HOXA3: variants seen among roughly 807,000 people sequenced by gnomAD.
The protein encoded by HOXA3 is homeobox A3.
Under a neutral mutation model 30.3 loss-of-function variants are expected in HOXA3, and 8 were observed. The ratio of observed to expected loss-of-function variants is 0.26; its 90% CI spans 0.15 to 0.48. The LOEUF is 0.48. Among genes scored for constraint, HOXA3 ranks in the 20% least tolerant of loss-of-function variants. HOXA3 has a pLI of 0.99. For missense variants in HOXA3, 653 were observed against 614.4 expected (o/e 1.06, Z -0.66); for synonymous variants, 323 against 273.1 (o/e 1.18, Z -1.80).
At position 27,107,943 on chromosome 7, in the gene HOXA3, T is replaced by C; in HGVS notation, c.1304A>G (p.Gln435Arg). 6.3e-7 allele frequency: 1 copy of C among 1,586,730 alleles called. No homozygotes were observed. Among genetic ancestry groups the C allele is most frequent in the Non-Finnish European group, 8.6e-7 (1 of 1,160,148 alleles). The change falls in exon 6 of 6, where the codon CAG (glutamine) becomes CGG (arginine). Residue 435 changes from glutamine to arginine, a missense_variant. This residue lies in a region of HOXA3 where 330 missense variants were observed against 274.4 expected (regional missense o/e 1.20). Coordinates refer to ENST00000612286, the MANE Select transcript of HOXA3 (RefSeq NM_153631.3). Reference protein sequence around the residue: ...TGHHPSQGRIQEAPKLTHL With the variant: ...TGHHPSQGRIREAPKLTHL ...CAGGTGGGTGAGCTTGGGTGCTTCC[T>C]GAATTCTTCCCTGAGAAGGATGGTG... is the stretch of plus-strand genomic sequence containing the variant.
At chr7:27,141,758 A>C (rs1782575587) in intron 1 of HOXA3, 5 of 1,529,266 alleles carry the variant, frequency 3.3e-6, no homozygotes, top group Non-Finnish European at 4.4e-6. Context: ...AACACAAGGG[A>C]GTTTCAGAAA....
chr7:27,131,884 T>C (rs1020678274), intron 2 of HOXA3, among the ~76,000 whole-genome samples: 1 of 152,254 alleles, frequency 6.6e-6, no homozygotes. Context: ...GGACAGTCTA[T>C]AATTTCTGAA....
In HOXA3 at chr7:27,140,078, C is replaced by A. The variant is rs1583404324; in HGVS notation, c.-390+5G>T. The A allele has an allele frequency of 6.6e-6, 1 of 150,384 alleles. No individual in the cohort carries two copies. The highest frequency in any genetic ancestry group is 2.1e-4 in the South Asian group (1 of 4,810). The allele number at this position is 150,384 out of a possible 1,614,324, so 9.3% of individuals were successfully genotyped here. ...AACTTGAAAGCGCTCAGGAGGCGAG[C>A]TTACCTTAACTCGGAGGGAGCCATT... On this transcript the variant is annotated splice_donor_5th_base_variant and intron_variant, in intron 2 of 5. Coordinates refer to ENST00000612286, the MANE Select transcript of HOXA3 (RefSeq NM_153631.3).
At chr7:27,148,770 G>A (rs947164241) in intron 1 of HOXA3, among the ~76,000 whole-genome samples, 5 of 152,244 alleles carry the variant, frequency 3.3e-5, no homozygotes, top group African/African-American at 1.2e-4. Context: ...CATCCACTGC[G>A]AGAACCGCTC....
intron 1 of HOXA3, among the ~76,000 whole-genome samples, chr7:27,144,740 T>C (rs1307971191): frequency 1.3e-5 from 2 of 152,330 alleles, no homozygotes; most frequent in East Asian, 3.9e-4. Flanking sequence ...ATCTCTGTAG[T>C]TATTTTCCAC....
chr7:27,131,980 T>G (rs1785576257), intron 2 of HOXA3, among the ~76,000 whole-genome samples: 1 of 152,188 alleles, frequency 6.6e-6, no homozygotes, highest in Admixed American at 6.5e-5. Context: ...TAATTGAAAT[T>G]TGATGGGTAC....
At position 27,108,221 on chromosome 7, in the gene HOXA3, A is replaced by G. The variant is rs370236772; in HGVS notation, c.1026T>C (p.Tyr342=). Residue 342 remains tyrosine, a synonymous_variant, in exon 6 of 6, where the codon TAT becomes TAC. Coordinates refer to ENST00000612286, the MANE Select transcript of HOXA3 (RefSeq NM_153631.3). This position sits in a 1 kb window ranked among gnomAD's most constrained non-coding sequence, Gnocchi z 5.0. ...AGAGAGGTPD[Y]DPHAHGLQGN... ...CCTGCAGGCCATGAGCGTGCGGGTC[A>G]TAGTCGGGGGTGCCCCCTGCGCCCG... is the stretch of plus-strand genomic sequence containing the variant. The G allele has an allele frequency of 7.3e-5, 112 of 1,527,022 alleles. No individual in the cohort carries two copies. In the Admixed American group the frequency reaches 7.7e-4, roughly 10 times the overall value. The allele number at this position is 1,527,022 out of a possible 1,614,324, so 94.6% of individuals were successfully genotyped here.
chr7:27,129,348 C>T (rs867492057), intron 2 of HOXA3: 1 of 1,614,156 alleles, frequency 6.2e-7, no homozygotes, highest in South Asian at 1.1e-5. Flanking sequence ...AGGATCGCAT[C>T]TTGGTGTTGG....
In HOXA3 at chr7:27,107,150, C is replaced by T. The variant is rs1784045863; in HGVS notation, c.*765G>A. 6.6e-6 allele frequency: 1 copy of T among 152,040 alleles called. No homozygotes were observed. The highest frequency in any genetic ancestry group is 2.4e-5 in the African/African-American group (1 of 41,286). The allele number at this position is 152,040 out of a possible 1,614,324, so 9.4% of individuals were successfully genotyped here. On this transcript the variant is annotated 3_prime_UTR_variant, in exon 6 of 6. Transcript: ENST00000612286. The stretch of plus-strand genomic sequence containing the variant: ...TTTGCCGGATGTTACAAACCTAAAT[C>T]ACTGTTTTCAAAAGCTGGATCTTCT...
chr7:27,144,338 G>A (rs183291358), intron 1 of HOXA3, among the ~76,000 whole-genome samples: 2 of 152,342 alleles, frequency 1.3e-5, no homozygotes, highest in Non-Finnish European at 2.9e-5. Flanking sequence ...GAGCGCATGA[G>A]GGACAGTGTC....
At chr7:27,147,564 G>A in intron 1 of HOXA3, 1 of 1,614,244 alleles carries the variant, frequency 6.2e-7, no homozygotes, top group African/African-American at 1.3e-5. Flanking sequence ...CCAGGACCGA[G>A]TTGGACTGTT....
intron 1 of HOXA3, among the ~76,000 whole-genome samples, chr7:27,151,973 G>A (rs1322397064): frequency 1.3e-5 from 2 of 152,166 alleles, no homozygotes; most frequent in African/African-American, 4.8e-5. Flanking sequence ...GGAGAGAGAC[G>A]ACCCAAGGGA....
chr7:27,108,042 C>G lies in HOXA3; in HGVS notation c.1205G>C (p.Gly402Ala). 6.2e-7 allele frequency: 1 copy of G among 1,612,986 alleles called. No homozygotes were observed. Among genetic ancestry groups the G allele is most frequent in the African/African-American group, 1.3e-5 (1 of 74,996 alleles). ...GTGGTGGTGGCCGCTGCCCAGCGGC[C>G]CGGCACCCCCATAGTCCATGGCGCC... ...ASGAMDYGGA[G>A]PLGSGHHHGP... The change falls in exon 6 of 6, where the codon GGG becomes GCG. Residue 402 changes from glycine to alanine, a missense_variant. By Grantham distance (60) the Gly-to-Ala change is moderately conservative (BLOSUM62 0). Coordinates refer to ENST00000612286, the MANE Select transcript of HOXA3 (RefSeq NM_153631.3). The surrounding 1 kb of genome is among the most constrained non-coding windows in gnomAD (Gnocchi z 5.0).
At chr7:27,133,678 C>T (rs919175597) in intron 2 of HOXA3, among the ~76,000 whole-genome samples, 7 of 152,142 alleles carry the variant, frequency 4.6e-5, no homozygotes, top group African/African-American at 1.7e-4. Flanking sequence ...AGGGAGGGTG[C>T]AAGGGAGGCA....
At chr7:27,149,576 C>T (rs3807597) in intron 1 of HOXA3, among the ~76,000 whole-genome samples, 128,412 of 152,286 alleles carry the variant, frequency 0.84, 54,350 homozygotes, top group Middle Eastern at 0.9. Flanking sequence ...AGCCCGGCAA[C>T]GGGGGCTACC....
At chr7:27,112,908 A>G (rs886751736) in intron 4 of HOXA3, among the ~76,000 whole-genome samples, 1 of 152,252 alleles carries the variant, frequency 6.6e-6, no homozygotes, top group Non-Finnish European at 1.5e-5. Flanking sequence ...AATAACAAAA[A>G]TATCTTTGAA....
At chr7:27,137,280 T>A (rs1785743465) in intron 2 of HOXA3, among the ~76,000 whole-genome samples, 1 of 152,196 alleles carries the variant, frequency 6.6e-6, no homozygotes, top group Non-Finnish European at 1.5e-5. Context: ...AATCTTGGCA[T>A]AATGTTGTGA....
rs1279819822 is a variant in HOXA3, at chr7:27,108,437, G to C, written c.810C>G (p.Pro270=). ...GGQSPSRSPV[P]PGAGGYLNSM... Reference sequence around the variant, plus strand: ...AGTTCAGATAGCCACCGGCTCCGGGGGGCACGGGGCTGCGACTTGGAGACT... The same window carrying C: ...AGTTCAGATAGCCACCGGCTCCGGGCGGCACGGGGCTGCGACTTGGAGACT... Residue 270 remains proline, a synonymous_variant, in exon 6 of 6, where the codon CCC becomes CCG. Coordinates refer to ENST00000612286, the MANE Select transcript of HOXA3 (RefSeq NM_153631.3). The surrounding 1 kb of genome is among the most constrained non-coding windows in gnomAD (Gnocchi z 5.0). 1.2e-6 allele frequency: 2 copies of C among 1,613,926 alleles called. No homozygotes were observed. The highest frequency in any genetic ancestry group is 3.3e-5 in the Admixed American group (2 of 60,018).
At chr7:27,137,232 C>T (rs371206562) in intron 2 of HOXA3, among the ~76,000 whole-genome samples, 11 of 152,136 alleles carry the variant, frequency 7.2e-5, no homozygotes, top group South Asian at 2.1e-4. Flanking sequence ...CTCTCAGAGC[C>T]GCCAACAATG....
Sources: allele counts gnomAD v4.1 joint callset (sites outside exome capture counted in the v4.1 genomes callset), GRCh38; gene constraint gnomAD v4.1.1; regional missense constraint gnomAD v4.1.1; non-coding constraint Gnocchi (gnomAD v3.1); transcripts MANE v1.5; gene names NCBI Gene and HGNC (gene_info 2026-07-23, HGNC 2026-07-21).